Variants in SLC47A2 observed in about 807,000 individuals in gnomAD.
SLC47A2 encodes solute carrier family 47 member 2, also known as multidrug and toxin extrusion protein 2.
A neutral mutation model predicts 67.7 loss-of-function variants in SLC47A2; 52 were observed. The observed-to-expected ratio is 0.77, with a 90% CI of 0.61 to 0.97. The LOEUF (loss-of-function observed/expected upper bound fraction) is 0.97. Ranked by LOEUF, SLC47A2 falls within the 50% of genes least tolerant of loss-of-function variation. The pLI is 0.00. For missense variants in SLC47A2, 676 were observed against 712.3 expected (o/e 0.95, Z 0.58); for synonymous variants, 278 against 292.9 (o/e 0.95, Z 0.52).
Position 19,704,144 on chromosome 17 carries a change from C to A in SLC47A2, c.944G>T (p.Arg315Leu). The A allele has an allele frequency of 6.2e-7, 1 of 1,612,430 alleles. No individual in the cohort carries two copies. Reference sequence around the variant, plus strand: ...CGCAGCCCCCAGAGCCATCCCCACTCGGACACAGACCCCGATGCTGAGCCC... The same window carrying A: ...CGCAGCCCCCAGAGCCATCCCCACTAGGACACAGACCCCGATGCTGAGCCC... ...PLGLSIGVCVRVGMALGAADT... is the reference protein window; with the variant it reads ...PLGLSIGVCVLVGMALGAADT... The change falls in exon 11 of 17, where the codon CGA becomes CTA. Residue 315 changes from arginine to leucine, a missense_variant. Physicochemically the swap from Arg to Leu is moderately radical, Grantham distance 102 (BLOSUM62 -2). Coordinates refer to ENST00000433844, the MANE Select transcript of SLC47A2 (RefSeq NM_001099646.3).
chr17:19,704,129 A>G lies in SLC47A2; in HGVS notation c.959T>C (p.Leu320Pro). ...GGCCTGCACAGTATCCGCAGCCCCC[A>G]GAGCCATCCCCACTCGGACACAGAC... is the stretch of plus-strand genomic sequence containing the variant. ...IGVCVRVGMA[L>P]GAADTVQAKR... Residue 320 changes from leucine (L) to proline (P), a missense_variant, in exon 11 of 17, where the codon CTG becomes CCG. Coordinates refer to ENST00000433844, the MANE Select transcript of SLC47A2 (RefSeq NM_001099646.3). The G allele has an allele frequency of 6.2e-7, 1 of 1,612,622 alleles. No homozygotes were observed. Among genetic ancestry groups the G allele is most frequent in the Non-Finnish European group, 8.5e-7 (1 of 1,179,818 alleles).
intron 13 of SLC47A2, among the ~76,000 whole-genome samples, chr17:19,699,028 C>T (rs1415892156): frequency 3.9e-5 from 6 of 152,028 alleles, no homozygotes; most frequent in Admixed American, 3.3e-4. Context: ...TGGTACCTTG[C>T]GGGGTCCTGG....
chr17:19,708,639 A>G (rs1353866246), intron 6 of SLC47A2, 77 bp downstream of exon 6: 2 of 1,600,480 alleles, frequency 1.2e-6, no homozygotes, highest in Non-Finnish European at 1.7e-6. Flanking sequence ...GAGAAGGGGA[A>G]AGCCCCAGGC....
intron 15 of SLC47A2, 48 bp from the exon 16 acceptor site, chr17:19,680,087 C>T (rs2085280895): frequency 1.9e-6 from 3 of 1,564,642 alleles, no homozygotes; most frequent in Non-Finnish European, 1.8e-6. Context: ...CTCAACAGTT[C>T]ACCCCTTCAC....
chr17:19,705,089 T>C (rs1267416917), intron 10 of SLC47A2: 6 of 366,990 alleles, frequency 1.6e-5, no homozygotes, highest in Non-Finnish European at 2.9e-5. Context: ...CCCAAAGTAC[T>C]GGGATTACAC....
rs1159046592 is a variant in SLC47A2, at chr17:19,702,632, A to C, written c.1137T>G (p.Ser379Arg). Residue 379 changes from serine to arginine, a missense_variant, in exon 13 of 17, where the codon AGT (serine) becomes AGG (arginine). Ser to Arg is a moderately radical substitution (Grantham distance 110). Transcript: ENST00000433844. ...AGATGGCCTCAAACACGTGAAAGAC[A>C]CTATAAACCGGCAAGACCTGGCTCA... ...ALVSQVLPVY[S>R]VFHVFEAICC... 1.2e-6 allele frequency: 2 copies of C among 1,614,110 alleles called. No individual in the cohort carries two copies. The highest frequency in any genetic ancestry group is 1.7e-6 in the Non-Finnish European group (2 of 1,180,010).
intron 9 of SLC47A2, among the ~76,000 whole-genome samples, chr17:19,706,345 C>T (rs1312930400): frequency 6.6e-6 from 1 of 152,220 alleles, no homozygotes; most frequent in Non-Finnish European, 1.5e-5. Flanking sequence ...CAGCCACCTC[C>T]CACGGGCACC....
intron 8 of SLC47A2, 70 bp downstream of exon 8, chr17:19,707,676 C>T (rs1378930575): frequency 6.5e-6 from 9 of 1,379,924 alleles, no homozygotes; most frequent in Non-Finnish European, 7.0e-6. Context: ...CTGCTGACCA[C>T]CCTGCCCCAA....
chr17:19,706,625 GC>G, intron 9 of SLC47A2, 22 bp downstream of exon 9: 3 of 1,544,902 alleles, frequency 1.9e-6, no homozygotes, highest in South Asian at 1.2e-5. Flanking sequence ...ACGCCATTGC[GC>G]CCCCCATCCT....
Position 19,688,376 on chromosome 17 carries a change from C to T in SLC47A2, c.1165-6706G>A, listed in dbSNP as rs117605567. ...AGGAGGAACATTAACACAATAAAAG[C>T]CTTATACAACAGACCCACAGCTAGT... is the stretch of plus-strand genomic sequence containing the variant. On this transcript the variant is annotated intron_variant, in intron 13 of 16. Transcript: ENST00000433844. Among the ~76,000 whole-genome samples the T allele has an allele frequency of 2.2e-3, 309 of 137,444 alleles. 4 individuals carry two copies. In the East Asian group the frequency reaches 0.065, roughly 29 times the overall value. The allele number at this position is 137,444 out of a possible 152,430, so 90.2% of individuals were successfully genotyped here.
chr17:19,705,311 C>A (rs112353211), intron 10 of SLC47A2, 125 bp downstream of exon 10: 3 of 1,020,990 alleles, frequency 2.9e-6, no homozygotes, highest in Non-Finnish European at 4.3e-6. Flanking sequence ...CTGGTGGGCA[C>A]GAGAGGCCCG....
intron 13 of SLC47A2, among the ~76,000 whole-genome samples, chr17:19,686,714 CGATAAAGGGGGT>C (rs2085438096): frequency 6.6e-6 from 1 of 151,944 alleles, no homozygotes. Context: ...CATTGTATAA[CGATAAAGGGGGT>C]CAGTTCAGCA....
At chr17:19,690,590 C>T (rs971701615) in intron 13 of SLC47A2, among the ~76,000 whole-genome samples, 6 of 151,984 alleles carry the variant, frequency 3.9e-5, no homozygotes, top group African/African-American at 7.3e-5. Flanking sequence ...AAATCTAATC[C>T]GATTTAAAAA....
At chr17:19,712,459 A>G (rs1369726623) in intron 5 of SLC47A2, among the ~76,000 whole-genome samples, 5 of 152,154 alleles carry the variant, frequency 3.3e-5, no homozygotes, top group Non-Finnish European at 5.9e-5. Context: ...GGTGATTTGA[A>G]TTTTCTCTGC....
At chr17:19,686,429 G>A (rs1475222646) in intron 13 of SLC47A2, among the ~76,000 whole-genome samples, 1 of 152,030 alleles carries the variant, frequency 6.6e-6, no homozygotes, top group African/African-American at 2.4e-5. Flanking sequence ...TAATAAAATG[G>A]CAGGACTGAG....
At position 19,706,637 on chromosome 17, in the gene SLC47A2, C is replaced by T; in HGVS notation, c.841+11G>A. 1 of 1,574,456 alleles carries T rather than the reference C, an allele frequency of 6.4e-7. No homozygotes were observed. Reference sequence around the variant, plus strand: ...CACACGCCATTGCGCCCCCCATCCTCTTCCACGTACCCATGAGGAAGCTCC... The same window carrying T: ...CACACGCCATTGCGCCCCCCATCCTTTTCCACGTACCCATGAGGAAGCTCC... On this transcript the variant is annotated intron_variant, in intron 9 of 16. Coordinates refer to ENST00000433844, the MANE Select transcript of SLC47A2 (RefSeq NM_001099646.3).
intron 13 of SLC47A2, among the ~76,000 whole-genome samples, chr17:19,700,891 T>A (rs1183596802): frequency 6.6e-6 from 1 of 151,590 alleles, no homozygotes; most frequent in East Asian, 1.9e-4. Flanking sequence ...CCAGGCCAGG[T>A]GCGGTGGCTC....
chr17:19,711,418 C>G (rs2086091214), intron 5 of SLC47A2, among the ~76,000 whole-genome samples: 1 of 150,078 alleles, frequency 6.7e-6, no homozygotes, highest in Non-Finnish European at 1.5e-5. Context: ...ATGGTGAAAC[C>G]CTGTCACTAC....
chr17:19,708,440 G>A, intron 6 of SLC47A2, 41 bp from the exon 7 acceptor site: 2 of 1,614,202 alleles, frequency 1.2e-6, no homozygotes, highest in Non-Finnish European at 1.7e-6. Flanking sequence ...GTGTGAGTGA[G>A]ATGGATGGAG....
Sources: allele counts gnomAD v4.1 joint callset (sites outside exome capture counted in the v4.1 genomes callset), GRCh38; gene constraint gnomAD v4.1.1; transcripts MANE v1.5; gene names NCBI Gene and HGNC (gene_info 2026-07-23, HGNC 2026-07-21).